Variants in TIAM2 observed in about 807,000 individuals in gnomAD.
The protein encoded by TIAM2 is TIAM Rac1 associated GEF 2.
A neutral mutation model predicts 152.9 loss-of-function variants in TIAM2; 80 were observed. The ratio of observed to expected loss-of-function variants is 0.52; its 90% confidence interval spans 0.44 to 0.63. The LOEUF (loss-of-function observed/expected upper bound fraction) is 0.63, where lower values mean the gene tolerates loss of function less well. Among genes scored for constraint, TIAM2 ranks in the 30% least tolerant of loss-of-function variants. The probability of loss-of-function intolerance (pLI) is 0.00; values close to 1 mark genes in which losing one functional copy is unlikely to be tolerated. For synonymous variants in TIAM2, 804 were observed against 838.0 expected (o/e 0.96, Z 0.70); for missense variants, 1,965 against 2,120.1 (o/e 0.93, Z 1.44).
chr6:155,084,138 A>G (rs1483026533), intron 1 of TIAM2, among the ~76,000 whole-genome samples: 1 of 152,118 alleles, frequency 6.6e-6, no homozygotes, highest in East Asian at 1.9e-4. Flanking sequence ...GCATGTAGGT[A>G]ATTTCTGTGG....
chr6:155,126,984 C>G (rs1375600988), intron 2 of TIAM2, among the ~76,000 whole-genome samples: 1 of 152,126 alleles, frequency 6.6e-6, no homozygotes, highest in African/African-American at 2.4e-5. Flanking sequence ...GGACCTCTTG[C>G]CCCTGCTAAC....
At chr6:154,996,060 C>A (rs1332655729) in intron 1 of TIAM2, among the ~76,000 whole-genome samples, 1 of 151,966 alleles carries the variant, frequency 6.6e-6, no homozygotes, top group African/African-American at 2.4e-5. Flanking sequence ...CCCGGACGGG[C>A]GCGGCTCCTG....
At chr6:155,058,781 C>T (rs1213131822) in intron 1 of TIAM2, among the ~76,000 whole-genome samples, 2 of 152,168 alleles carry the variant, frequency 1.3e-5, no homozygotes, top group Admixed American at 6.5e-5. Context: ...CTGTGTTTCT[C>T]AGCGGTCTCA....
rs546135515 is a variant in TIAM2 at position 155,186,210 on chromosome 6, G to A, written c.3064+2710G>A. ...CAAGCATACAGGTTTTGAGTCAGAC[G>A]TGGGTTCAGGTCCTGGGCTGCCCTA... is the stretch of plus-strand genomic sequence containing the variant. On this transcript the variant is annotated intron_variant, in intron 14 of 26. Coordinates refer to ENST00000682666, the MANE Select transcript of TIAM2 (RefSeq NM_012454.4). This position sits in a 1 kb window ranked among gnomAD's most constrained non-coding sequence, Gnocchi z 4.5. 3.6e-3 allele frequency among the ~76,000 whole-genome samples: 549 copies of A among 152,324 alleles called. 5 individuals carry two copies. Among genetic ancestry groups the A allele is most frequent in the African/African-American group, 0.012 (517 of 41,576 alleles).
At chr6:155,253,341 G>C (rs1001061832) in intron 24 of TIAM2, 1 of 372,404 alleles carries the variant, frequency 2.7e-6, no homozygotes, top group South Asian at 5.8e-5. Context: ...AAATGTGTTA[G>C]AAGAACAAAG....
In TIAM2 at chr6:155,185,123, C is replaced by CTTTTTTTTT. The variant is rs11404301; in HGVS notation, c.3064+1638_3064+1646dup. Among the ~76,000 whole-genome samples, 24 of 92,398 alleles carry CTTTTTTTTT rather than the reference C, an allele frequency of 2.6e-4. 1 individual carries two copies. Among genetic ancestry groups the CTTTTTTTTT allele is most frequent in the African/African-American group, 9.7e-4 (22 of 22,732 alleles). The allele number at this position is 92,398 out of a possible 152,430, so 60.6% of individuals were successfully genotyped here. A position where few individuals can be genotyped will look rare whatever the true frequency, so the allele number is the denominator to read the frequency against. ...AAAGTAGAGAAAGGGGCAAATTTACCTTTTTTTTTTTTTTTTTTTTTTTGA... is the reference window on the plus strand; with the variant it reads ...AAAGTAGAGAAAGGGGCAAATTTACCTTTTTTTTTTTTTTTTTTTTTTTTTTTTTTTTGA... On this transcript the variant is annotated intron_variant, in intron 14 of 26. Transcript: ENST00000682666.
At position 155,054,227 on chromosome 6, in the gene TIAM2, A is replaced by G. The variant is rs546106834; in HGVS notation, c.-208-36062A>G. 3.0e-3 allele frequency among the ~76,000 whole-genome samples: 451 copies of G among 152,262 alleles called. 3 individuals are homozygous for G. The highest frequency in any genetic ancestry group is 0.01 in the African/African-American group (433 of 41,558). On this transcript the variant is annotated intron_variant, in intron 1 of 26. Transcript: ENST00000682666. ...ACTGTTGGTCTCTGTGAGCTTGGTT[A>G]TGTGCATCCCCCCTGAGAGGCACTC...
At chr6:155,091,831 G>C (rs1778311112) in intron 2 of TIAM2, among the ~76,000 whole-genome samples, 1 of 152,142 alleles carries the variant, frequency 6.6e-6, no homozygotes, top group African/African-American at 2.4e-5. Context: ...CAGTTATTTA[G>C]AGTCAGACTG....
At chr6:155,048,904 A>C (rs147781168) in intron 1 of TIAM2, among the ~76,000 whole-genome samples, 7,804 of 151,544 alleles carry the variant, frequency 0.051, 695 homozygotes, top group African/African-American at 0.18. Flanking sequence ...GGGTTCAAGC[A>C]ATTCTCCTGC....
Position 155,144,692 on chromosome 6 carries a change from A to G in TIAM2, c.1717A>G (p.Ser573Gly). The G allele has an allele frequency of 1.2e-6, 2 of 1,610,480 alleles. No individual in the cohort carries two copies. Among genetic ancestry groups the G allele is most frequent in the Non-Finnish European group, 1.7e-6 (2 of 1,178,758 alleles). ...APRCALFAED[S>G]IVQSVPEHPK... ...TCGGTGTGCTCTGTTTGCAGAAGAC[A>G]GCATAGTGCAGTCTGTTCCAGAGCA... The change falls in exon 6 of 27, where the codon AGC (serine) becomes GGC (glycine). Residue 573 changes from serine to glycine, a missense_variant. This residue lies in a region of TIAM2 where 1,025 missense variants were observed against 1,119.4 expected (regional missense o/e 0.92). Transcript: ENST00000682666.
chr6:155,179,348 C>T, intron 11 of TIAM2, 30 bp from the exon 12 acceptor site: 1 of 1,606,208 alleles, frequency 6.2e-7, no homozygotes, highest in Non-Finnish European at 8.5e-7. Flanking sequence ...ACATGAGATC[C>T]TCTGATTTTG....
chr6:155,134,809 G>A (rs538906254), intron 4 of TIAM2, among the ~76,000 whole-genome samples: 1 of 152,014 alleles, frequency 6.6e-6, no homozygotes, highest in African/African-American at 2.4e-5. Flanking sequence ...GGGTTCAAGC[G>A]ATTCTCCTGC....
At chr6:155,152,611 C>G (rs890646289) in intron 7 of TIAM2, among the ~76,000 whole-genome samples, 6 of 152,292 alleles carry the variant, frequency 3.9e-5, no homozygotes, top group African/African-American at 1.2e-4. Context: ...GCCTGTCTAT[C>G]CTGAGATGAG....
chr6:155,048,905 A>G (rs937477750), intron 1 of TIAM2, among the ~76,000 whole-genome samples: 1 of 151,780 alleles, frequency 6.6e-6, no homozygotes, highest in African/African-American at 2.4e-5. Context: ...GGTTCAAGCA[A>G]TTCTCCTGCC....
In TIAM2 at chr6:155,257,267, A is replaced by G; in HGVS notation, c.*146A>G. ...ATTTTCCCACAAAATGGTTGTAAAG[A>G]TTTAAGTTATTTTAATTTATTGTGG... is the stretch of plus-strand genomic sequence containing the variant. On this transcript the variant is annotated 3_prime_UTR_variant, in exon 27 of 27. Coordinates refer to ENST00000682666, the MANE Select transcript of TIAM2 (RefSeq NM_012454.4). 1 of 895,994 alleles carries G rather than the reference A, an allele frequency of 1.1e-6. No homozygotes were observed. The highest frequency in any genetic ancestry group is 1.6e-6 in the Non-Finnish European group (1 of 609,274). The allele number at this position is 895,994 out of a possible 1,614,324, so 55.5% of individuals were successfully genotyped here. A position where few individuals can be genotyped will look rare whatever the true frequency, so the allele number is the denominator to read the frequency against.
intron 14 of TIAM2, among the ~76,000 whole-genome samples, chr6:155,191,511 G>T (rs968701062): frequency 6.6e-6 from 1 of 152,134 alleles, no homozygotes; most frequent in East Asian, 1.9e-4. Context: ...GGGAAAATTG[G>T]CTGGGCGCGG....
chr6:155,114,394 T>G (rs924152446), intron 2 of TIAM2, among the ~76,000 whole-genome samples: 3 of 152,150 alleles, frequency 2.0e-5, no homozygotes, highest in African/African-American at 7.2e-5. Context: ...ATATTTAAAT[T>G]ACTTAGCATT....
At chr6:155,043,365 A>C (rs971979172) in intron 1 of TIAM2, among the ~76,000 whole-genome samples, 1 of 152,090 alleles carries the variant, frequency 6.6e-6, no homozygotes, top group Non-Finnish European at 1.5e-5. Flanking sequence ...GCAGTGGCTC[A>C]TGTCTGTAAT....
intron 7 of TIAM2, among the ~76,000 whole-genome samples, chr6:155,162,247 T>C (rs1780292828): frequency 6.6e-6 from 1 of 152,220 alleles, no homozygotes; most frequent in Non-Finnish European, 1.5e-5. Flanking sequence ...CATGAGCCAC[T>C]GTGCCTTGCC....
Sources: allele counts gnomAD v4.1 joint callset (sites outside exome capture counted in the v4.1 genomes callset), GRCh38; gene constraint gnomAD v4.1.1; regional missense constraint gnomAD v4.1.1; non-coding constraint Gnocchi (gnomAD v3.1); transcripts MANE v1.5; gene names NCBI Gene and HGNC (gene_info 2026-07-23, HGNC 2026-07-21).